INTS8: variants seen among roughly 807,000 people sequenced by gnomAD.
INTS8 encodes integrator complex subunit 8.
In INTS8, 47 loss-of-function variants were observed where a neutral mutation model predicts 138.9. The ratio of observed to expected loss-of-function variants is 0.34; its 90% CI spans 0.27 to 0.43. INTS8 has a LOEUF of 0.43. Ranked by LOEUF, INTS8 falls within the 20% of genes least tolerant of loss-of-function variation. The pLI, the probability that INTS8 is intolerant of heterozygous loss-of-function variation, is 1.00. For missense variants in INTS8, 996 were observed against 1,173.0 expected, an observed-to-expected ratio of 0.85 and a Z score of 2.20; for synonymous variants, 392 against 400.9, an observed-to-expected ratio of 0.98 and a Z score of 0.27.
At chr8:94,857,740 G>A (rs889828985) in intron 15 of INTS8, among the ~76,000 whole-genome samples, 1 of 152,122 alleles carries the variant, frequency 6.6e-6, no homozygotes. Flanking sequence ...CTTCTTACAA[G>A]GACACCAGTC....
At chr8:94,827,820 TG>T in intron 4 of INTS8, 27 bp downstream of exon 4, 1 of 1,559,386 alleles carries the variant, frequency 6.4e-7, no homozygotes, top group Non-Finnish European at 8.8e-7. Flanking sequence ...GACCTTTACT[TG>T]GCACTTTTTT....
At chr8:94,827,133 T>G in intron 2 of INTS8, 130 bp from the exon 3 acceptor site, 1 of 818,058 alleles carries the variant, frequency 1.2e-6, no homozygotes, top group Middle Eastern at 3.4e-4. Flanking sequence ...CTTTTTCACA[T>G]TTGATAGCTA....
chr8:94,848,244 C>G (rs1200186464), intron 10 of INTS8, among the ~76,000 whole-genome samples: 2 of 152,052 alleles, frequency 1.3e-5, no homozygotes, highest in African/African-American at 2.4e-5. Context: ...AACTCTTGAC[C>G]TCAGGTGATC....
intron 7 of INTS8, among the ~76,000 whole-genome samples, chr8:94,837,380 C>T (rs765046956): frequency 1.1e-4 from 17 of 152,018 alleles, no homozygotes; most frequent in Non-Finnish European, 2.2e-4. Flanking sequence ...GAAAAATTCC[C>T]ACTTCAATCT....
chr8:94,847,213 TG>T (rs1378307913), intron 10 of INTS8, among the ~76,000 whole-genome samples: 1 of 152,072 alleles, frequency 6.6e-6, no homozygotes, highest in African/African-American at 2.4e-5. Flanking sequence ...CTAATTTTTT[TG>T]TAGTTTTATT....
chr8:94,843,813 C>T (rs1169977567), intron 10 of INTS8, among the ~76,000 whole-genome samples: 1 of 152,098 alleles, frequency 6.6e-6, no homozygotes, highest in African/African-American at 2.4e-5. Context: ...AACCAAGTGG[C>T]TTATAACCAC....
At chr8:94,873,868 T>G (rs530882299) in intron 22 of INTS8, 99 of 161,618 alleles carry the variant, frequency 6.1e-4, no homozygotes, top group Admixed American at 1.3e-3. Flanking sequence ...CTTTTTTCTT[T>G]ACTGACCCTC....
intron 18 of INTS8, 63 bp from the exon 19 acceptor site, chr8:94,867,077 C>G: frequency 8.2e-7 from 1 of 1,226,858 alleles, no homozygotes; most frequent in African/African-American, 1.5e-5. Flanking sequence ...GTGAGGTTGA[C>G]AGGAGCAATA....
intron 15 of INTS8, 147 bp downstream of exon 15, chr8:94,857,125 T>C (rs1350885247): frequency 1.4e-5 from 9 of 636,256 alleles, no homozygotes; most frequent in Non-Finnish European, 2.3e-5. Flanking sequence ...CAGGCTGGAG[T>C]GTAATGGCGC....
At chr8:94,879,044 G>A (rs940611336) in intron 26 of INTS8, among the ~76,000 whole-genome samples, 1 of 152,110 alleles carries the variant, frequency 6.6e-6, no homozygotes, top group Non-Finnish European at 1.5e-5. Flanking sequence ...CACATGGGGT[G>A]TATTACTGCT....
rs112838491 is a variant in INTS8 at position 94,853,825 on chromosome 8, T to C, written c.1662T>C (p.Tyr554=). 2 of 1,608,128 alleles carry C rather than the reference T, an allele frequency of 1.2e-6. No individual in the cohort carries two copies. Among genetic ancestry groups the C allele is most frequent in the Non-Finnish European group, 8.5e-7 (1 of 1,174,540 alleles). The change falls in exon 14 of 27, where the codon TAT becomes TAC. Residue 554 remains tyrosine, a synonymous_variant. Coordinates refer to ENST00000523731, the MANE Select transcript of INTS8 (RefSeq NM_017864.4). ...TTTAGTGGGAAGTACCTTCTGTCTA[T>C]AGTGGTGTTATCCTGGGAATTAAAG... ...VSNKWEVPSV[Y]SGVILGIKDN...
At chr8:94,875,494 A>T (rs1231918094) in intron 23 of INTS8, among the ~76,000 whole-genome samples, 1 of 152,112 alleles carries the variant, frequency 6.6e-6, no homozygotes. Flanking sequence ...GTGACTGCTA[A>T]TGGACTTTTT....
Position 94,880,504 on chromosome 8 carries a change from C to A in INTS8, c.*270C>A, listed in dbSNP as rs1030880828. ...TAGTTTTCTAATCTACTTTATGAGG[C>A]TGGATTTTTTTTTTAGAAAAGCTAA... On this transcript the variant is annotated 3_prime_UTR_variant, in exon 27 of 27. Transcript: ENST00000523731. 2 of 303,532 alleles carry A rather than the reference C, an allele frequency of 6.6e-6. No individual in the cohort carries two copies. Among genetic ancestry groups the A allele is most frequent in the African/African-American group, 2.1e-5 (1 of 46,692 alleles). The allele number at this position is 303,532 out of a possible 1,614,324, so 18.8% of individuals were successfully genotyped here. A position where few individuals can be genotyped will look rare whatever the true frequency, so the allele number is the denominator to read the frequency against.
At chr8:94,838,215 C>G (rs1815004596) in intron 7 of INTS8, among the ~76,000 whole-genome samples, 2 of 151,886 alleles carry the variant, frequency 1.3e-5, no homozygotes, top group Admixed American at 1.3e-4. Flanking sequence ...CCATGCCTGG[C>G]TAATTTTTGT....
rs767275352 is a variant in INTS8 at position 94,881,665 on chromosome 8, C to T, written c.*1431C>T. The T allele has an allele frequency of 7.4e-6, 12 of 1,613,464 alleles. No individual in the cohort carries two copies. The highest frequency in any genetic ancestry group is 4.0e-5 in the African/African-American group (3 of 74,838). Reference sequence around the variant, plus strand: ...TTCCTGGTGGTTTTTCAGTGCTCTTCGGTGGTGTCATAATGCCTCCATTGC... The same window carrying T: ...TTCCTGGTGGTTTTTCAGTGCTCTTTGGTGGTGTCATAATGCCTCCATTGC... On this transcript the variant is annotated 3_prime_UTR_variant, in exon 27 of 27. Transcript: ENST00000523731.
In INTS8 at chr8:94,849,530, A is replaced by G. The variant is rs986239026; in HGVS notation, c.1329A>G (p.Leu443=). 3 of 1,540,290 alleles carry G rather than the reference A, an allele frequency of 1.9e-6. No homozygotes were observed. Among genetic ancestry groups the G allele is most frequent in the Non-Finnish European group, 2.7e-6 (3 of 1,128,148 alleles). Residue 443 remains leucine, a splice_region_variant and synonymous_variant, in exon 11 of 27, where the codon CTA becomes CTG. Coordinates refer to ENST00000523731, the MANE Select transcript of INTS8 (RefSeq NM_017864.4). ...TGAAAGGAAACATGGCTGCTTTTCT[A>G]AAGTAAGTACCTTTCTTTTCTTTTT... ...ESLKGNMAAF[L]KNVCLGLEDL...
chr8:94,840,321 A>G (rs962943670), intron 8 of INTS8, among the ~76,000 whole-genome samples: 2 of 152,144 alleles, frequency 1.3e-5, no homozygotes, highest in Non-Finnish European at 2.9e-5. Context: ...GAAACCACTT[A>G]TGTCAGTACT....
intron 14 of INTS8, among the ~76,000 whole-genome samples, chr8:94,855,602 C>A (rs114290024): frequency 9.4e-4 from 143 of 152,216 alleles, no homozygotes; most frequent in African/African-American, 3.3e-3. Flanking sequence ...TTTATTGTTT[C>A]ATTTATTCAC....
At chr8:94,827,817 A>T (rs908070436) in intron 4 of INTS8, 24 bp downstream of exon 4, 3 of 1,570,992 alleles carry the variant, frequency 1.9e-6, no homozygotes, top group Non-Finnish European at 2.6e-6. Flanking sequence ...TATGACCTTT[A>T]CTTGGCACTT....
Sources: allele counts gnomAD v4.1 joint callset (sites outside exome capture counted in the v4.1 genomes callset), GRCh38; gene constraint gnomAD v4.1.1; transcripts MANE v1.5; gene names NCBI Gene and HGNC (gene_info 2026-07-23, HGNC 2026-07-21).